The following EDA variants were observed in gnomAD, a reference collection of about 807,000 sequenced individuals.
EDA encodes the protein ectodysplasin-A.
A neutral mutation model predicts 23.6 loss-of-function variants in EDA; 2 were observed. The ratio of observed to expected loss-of-function variants is 0.08; its 90% confidence interval spans 0.03 to 0.27. The LOEUF (loss-of-function observed/expected upper bound fraction) is 0.27, where lower values mean the gene tolerates loss of function less well. Among genes scored for constraint, EDA ranks in the 10% least tolerant of loss-of-function variants. The pLI, the probability that EDA is intolerant of heterozygous loss-of-function variation, is 1.00. For synonymous variants in EDA, 131 were observed against 132.0 expected (o/e 0.99, Z 0.05); for missense variants, 229 against 324.2 (o/e 0.71, Z 2.26).
intron 1 of EDA, among the ~76,000 whole-genome samples, chrX:69,731,903 G>A (rs1363506976): frequency 2.7e-5 from 3 of 111,308 alleles, no homozygotes; most frequent in Non-Finnish European, 5.7e-5. Context: ...ATTTTTCATA[G>A]ATGCTCTTGA....
At position 69,996,110 on chromosome X, in the gene EDA, G is replaced by A. The variant is rs752292007; in HGVS notation, c.503-27108G>A. On this transcript the variant is annotated intron_variant, in intron 2 of 7. Transcript: ENST00000374552. ...GAGAAGGGAAGAGTAGAGAAAAAGG[G>A]TGGACCAATTAGAAGGATGCAGTTT... Among the ~76,000 whole-genome samples, 20 of 112,562 alleles carry A rather than the reference G, an allele frequency of 1.8e-4. No individual in the cohort carries two copies. The South Asian group carries it at 3.3e-3, about 19-fold the overall frequency.
intron 2 of EDA, among the ~76,000 whole-genome samples, chrX:70,005,773 C>G (rs1373019612): frequency 1.8e-5 from 2 of 110,802 alleles, no homozygotes; most frequent in Admixed American, 1.9e-4. Flanking sequence ...TGCTTTTAAA[C>G]TAGTGGATGT....
intron 1 of EDA, among the ~76,000 whole-genome samples, chrX:69,921,255 G>A (rs1374019583): frequency 9.0e-6 from 1 of 110,944 alleles, no homozygotes; most frequent in African/African-American, 3.3e-5. Context: ...CCTTTTATTG[G>A]GTATTACAAA....
intron 1 of EDA, among the ~76,000 whole-genome samples, chrX:69,658,523 G>C (rs1569285809): frequency 9.0e-6 from 1 of 110,621 alleles, no homozygotes; most frequent in African/African-American, 3.3e-5. Context: ...ACTCAAGTTA[G>C]ACCTTTATGC....
chrX:69,645,584 T>TTTTATATATA (rs1555976075), intron 1 of EDA, among the ~76,000 whole-genome samples: 1 of 54,371 alleles, frequency 1.8e-5, no homozygotes, highest in Admixed American at 2.6e-4. Flanking sequence ...TCTAGTTCTT[T>TTTTATATATA]TATATATATG....
intron 1 of EDA, among the ~76,000 whole-genome samples, chrX:69,845,888 C>T (rs2016995899): frequency 8.9e-6 from 1 of 111,870 alleles, no homozygotes; most frequent in African/African-American, 3.2e-5. Flanking sequence ...TGTGAGTGAA[C>T]CATCTTAGAA....
intron 1 of EDA, among the ~76,000 whole-genome samples, chrX:69,781,130 T>G (rs1412549648): frequency 8.9e-6 from 1 of 111,785 alleles, no homozygotes. Context: ...CAACATTTTA[T>G]TTATCTACTC....
At chrX:69,798,551 A>G (rs1027347460) in intron 1 of EDA, among the ~76,000 whole-genome samples, 2 of 111,763 alleles carry the variant, frequency 1.8e-5, no homozygotes, top group Non-Finnish European at 3.8e-5. Context: ...ATTAAACAAC[A>G]TGCTCCTGGA....
At chrX:69,759,070 A>AT (rs1386001587) in intron 1 of EDA, among the ~76,000 whole-genome samples, 1 of 112,329 alleles carries the variant, frequency 8.9e-6, no homozygotes, top group Non-Finnish European at 1.9e-5. Context: ...GAAAAATAGG[A>AT]TTTATTATTC....
intron 1 of EDA, among the ~76,000 whole-genome samples, chrX:69,903,770 T>G (rs1401968148): frequency 2.7e-5 from 3 of 111,093 alleles, no homozygotes; most frequent in Non-Finnish European, 5.7e-5. Flanking sequence ...AAAAACTATA[T>G]TATGGGTACA....
intron 1 of EDA, among the ~76,000 whole-genome samples, chrX:69,712,702 C>A: frequency 9.0e-6 from 1 of 111,307 alleles, no homozygotes; most frequent in Non-Finnish European, 1.9e-5. Flanking sequence ...CCAGCCATCC[C>A]ATTACTGGGT....
intron 1 of EDA, among the ~76,000 whole-genome samples, chrX:69,697,485 C>T (rs746692751): frequency 9.0e-6 from 1 of 111,558 alleles, no homozygotes; most frequent in Non-Finnish European, 1.9e-5. Flanking sequence ...CTACTTCAAG[C>T]GTGACATGGG....
chrX:69,729,276 T>C (rs2012929390), intron 1 of EDA: 1 of 111,461 alleles, frequency 9.0e-6, no homozygotes, highest in Non-Finnish European at 1.9e-5. Context: ...AGATGAACTT[T>C]CCATGTTTTT....
chrX:69,980,158 C>G (rs1367471045), intron 2 of EDA, among the ~76,000 whole-genome samples: 1 of 111,364 alleles, frequency 9.0e-6, no homozygotes, highest in Non-Finnish European at 1.9e-5. Flanking sequence ...CTTAGTTTCT[C>G]TCATATTTGA....
chrX:69,874,199 C>T (rs1395309328), intron 1 of EDA, among the ~76,000 whole-genome samples: 1 of 110,857 alleles, frequency 9.0e-6, no homozygotes, highest in Non-Finnish European at 1.9e-5. Context: ...GTAATCCCAG[C>T]TACTCAGGAG....
At chrX:69,828,944 A>G (rs1451266128) in intron 1 of EDA, among the ~76,000 whole-genome samples, 1 of 112,041 alleles carries the variant, frequency 8.9e-6, no homozygotes, top group African/African-American at 3.2e-5. Flanking sequence ...TGCCATTTTT[A>G]TCATTCATTT....
intron 1 of EDA, among the ~76,000 whole-genome samples, chrX:69,760,062 ACT>A (rs2014252476): frequency 9.3e-6 from 1 of 107,711 alleles, no homozygotes; most frequent in Admixed American, 1.0e-4. Flanking sequence ...CTTGTAACAG[ACT>A]CTTGCCAGTG....
intron 1 of EDA, among the ~76,000 whole-genome samples, chrX:69,812,425 G>T (rs1463641560): frequency 1.8e-5 from 2 of 112,544 alleles, no homozygotes; most frequent in African/African-American, 6.4e-5. Flanking sequence ...CTTGTATTCT[G>T]TACCACAAAC....
chrX:69,901,607 T>C (rs1485379391), intron 1 of EDA, among the ~76,000 whole-genome samples: 3 of 111,768 alleles, frequency 2.7e-5, no homozygotes, highest in Admixed American at 9.6e-5. Context: ...TTAGGGCTAT[T>C]TGGGGTTCAT....
Sources: gnomAD v4.1 joint callset for allele counts (sites outside exome capture counted in the v4.1 genomes callset) on GRCh38, gnomAD v4.1.1 for gene constraint, MANE v1.5 for transcripts, NCBI Gene and HGNC (gene_info 2026-07-23, HGNC 2026-07-21) for gene names.